Variants in PGAM5 observed in about 807,000 individuals in gnomAD.
PGAM5 encodes the protein PGAM family member 5, mitochondrial serine/threonine protein phosphatase, also known as serine/threonine-protein phosphatase PGAM5, mitochondrial.
Under a neutral mutation model 30.6 loss-of-function variants are expected in PGAM5, and 25 were observed. The observed-to-expected ratio is 0.82, with a 90% CI of 0.60 to 1.14. The LOEUF (loss-of-function observed/expected upper bound fraction) is 1.14. PGAM5 is among the 50% of genes most tolerant of loss of function. The pLI, the probability that PGAM5 is intolerant of heterozygous loss-of-function variation, is 0.00. For missense variants in PGAM5, 384 were observed against 408.5 expected (o/e 0.94, Z 0.52); for synonymous variants, 201 against 179.1 (o/e 1.12, Z -0.98).
chr12:132,715,023 T>C lies in PGAM5; in HGVS notation c.357T>C (p.Thr119=), dbSNP rs1208559773. Residue 119 remains threonine, a synonymous_variant, in exon 2 of 6, where the codon ACT becomes ACC. Coordinates refer to ENST00000498926, the MANE Select transcript of PGAM5 (RefSeq NM_001170543.2). ...ATGGCTCCCTGGAGAAGGACCGCAC[T>C]CTGACCCCGCTGGGTATGTGGTGGG... ...HVDGSLEKDR[T]LTPLGREQAE... is the part of the protein sequence containing the mutation. 3.1e-6 allele frequency: 5 copies of C among 1,611,584 alleles called. No homozygotes were observed. Among genetic ancestry groups the C allele is most frequent in the Admixed American group, 3.3e-5 (2 of 59,780 alleles).
intron 5 of PGAM5, 100 bp downstream of exon 5, chr12:132,718,220 A>T (rs886235536): frequency 1.3e-5 from 20 of 1,489,620 alleles, no homozygotes; most frequent in Middle Eastern, 1.9e-4. Flanking sequence ...TGCCGATGCC[A>T]CCCTAGTCAG....
intron 1 of PGAM5, among the ~76,000 whole-genome samples, chr12:132,712,932 C>T (rs1006460334): frequency 2.0e-5 from 3 of 151,874 alleles, no homozygotes; most frequent in Admixed American, 6.6e-5. Context: ...CTGAGGTGGG[C>T]GGATCACTTG....
At chr12:132,717,965 C>T (rs775815657) in intron 4 of PGAM5, 22 bp from the exon 5 acceptor site, 7 of 1,612,170 alleles carry the variant, frequency 4.3e-6, no homozygotes, top group African/African-American at 2.7e-5. Flanking sequence ...TCCGCACTGA[C>T]GGCTCCTCAC....
intron 5 of PGAM5, among the ~76,000 whole-genome samples, chr12:132,719,910 T>C (rs917308265): frequency 5.3e-5 from 8 of 152,176 alleles, no homozygotes; most frequent in Admixed American, 4.6e-4. Context: ...CCCATCTCCG[T>C]TCTTTGCTTT....
rs146058796 is a variant in PGAM5 at position 132,715,137 on chromosome 12, C to G, written c.370+101C>G. ...ATGTGACTGGGTGCAGGTCCTCCGC[C>G]GACCCCCTTGGTCAGCTTTCTTGAA... On this transcript the variant is annotated intron_variant, in intron 2 of 5. Transcript: ENST00000498926. 9.2e-3 allele frequency: 11,619 copies of G among 1,264,464 alleles called. 69 individuals are homozygous for G. The highest frequency in any genetic ancestry group is 9.9e-3 in the South Asian group (648 of 65,314). 78.3% of individuals were successfully genotyped at this position (1,264,464 alleles called of 1,614,324 possible).
At chr12:132,718,455 CCTGGGTGGGGTGCGTG>C (rs1279766122) in intron 5 of PGAM5, among the ~76,000 whole-genome samples, 7 of 6,198 alleles carry the variant, frequency 1.1e-3, no homozygotes, top group East Asian at 0.024. Context: ...GGTGGGGGGT[CCTGGGTGGGGTGCGTG>C]CTGGGTGGGG....
rs759904043 is a variant in PGAM5, at chr12:132,717,561, C to T, written c.493C>T (p.Pro165Ser). 6.2e-6 allele frequency: 10 copies of T among 1,610,616 alleles called. No homozygotes were observed. The highest frequency in any genetic ancestry group is 3.3e-5 in the Admixed American group (2 of 60,002). Residue 165 changes from proline (P) to serine (S), a missense_variant, in exon 3 of 6, where the codon CCA becomes TCA. Coordinates refer to ENST00000498926, the MANE Select transcript of PGAM5 (RefSeq NM_001170543.2). ...CACCGATATCATCAGCCGGCACCTG[C>T]CAGGTGAGTGCTGCGCGCGGGGCCT... is the stretch of plus-strand genomic sequence containing the variant. The part of the protein sequence containing the change: ...ETTDIISRHL[P>S]GVCKVSTDLL...
chr12:132,718,406 G>GT (rs2043606277), intron 5 of PGAM5, among the ~76,000 whole-genome samples: 1 of 62,586 alleles, frequency 1.6e-5, no homozygotes, highest in African/African-American at 8.2e-5. Flanking sequence ...TGAGTGGGGT[G>GT]CGTGCTGGGT....
At chr12:132,717,881 T>G (rs2043598514) in intron 4 of PGAM5, 83 bp downstream of exon 4, 2 of 1,594,600 alleles carry the variant, frequency 1.3e-6, no homozygotes, top group Admixed American at 1.7e-5. Context: ...ATCCACCACG[T>G]GCCCGGCCGT....
At chr12:132,711,276 C>A in intron 1 of PGAM5, 1 of 322,920 alleles carries the variant, frequency 3.1e-6, no homozygotes, top group African/African-American at 2.2e-5. Context: ...GCTTCTGTGG[C>A]CGAGCTCCGT....
At chr12:132,712,703 A>G (rs1593116178) in intron 1 of PGAM5, among the ~76,000 whole-genome samples, 1 of 151,392 alleles carries the variant, frequency 6.6e-6, no homozygotes, top group African/African-American at 2.4e-5. Context: ...TGATCCTCCC[A>G]CCTCGGCCTC....
Position 132,714,930 on chromosome 12 carries a change from G to C in PGAM5, c.264G>C (p.Lys88Asn), listed in dbSNP as rs2043558307. Residue 88 changes from lysine to asparagine, a missense_variant, in exon 2 of 6, where the codon AAG (lysine) becomes AAC (asparagine). Coordinates refer to ENST00000498926, the MANE Select transcript of PGAM5 (RefSeq NM_001170543.2). Reference sequence around the variant, plus strand: ...CTGGGGAAGAAGAGCTGGCGTCCAAGCTGGACCACTACAAAGCCAAGGCCA... The same window carrying C: ...CTGGGGAAGAAGAGCTGGCGTCCAACCTGGACCACTACAAAGCCAAGGCCA... ...VESGEEELAS[K>N]LDHYKAKATR... 6.2e-7 allele frequency: 1 copy of C among 1,613,596 alleles called. No homozygotes were observed. The highest frequency in any genetic ancestry group is 1.1e-5 in the South Asian group (1 of 91,092).
chr12:132,718,190 C>G lies in PGAM5; in HGVS notation c.719+70C>G, dbSNP rs1357262664. On this transcript the variant is annotated intron_variant, in intron 5 of 5. Transcript: ENST00000498926. ...TTAGAGAAAAGCATGAGGAAGAAGC[C>G]GAGCGAGACCCTCCTCCACTGCCGA... The G allele has an allele frequency of 5.1e-6, 8 of 1,581,154 alleles. No individual in the cohort carries two copies. In the South Asian group the frequency reaches 9.2e-5, roughly 18 times the overall value.
intron 2 of PGAM5, 83 bp from the exon 3 acceptor site, chr12:132,717,356 G>A (rs1251300999): frequency 2.1e-6 from 3 of 1,423,150 alleles, no homozygotes; most frequent in Non-Finnish European, 2.8e-6. Context: ...GTGGAGGAGG[G>A]CGTGTTTGCG....
intron 5 of PGAM5, chr12:132,719,104 G>C: frequency 7.2e-7 from 1 of 1,381,220 alleles, no homozygotes; most frequent in Non-Finnish European, 9.4e-7. Context: ...CCAGCTCTAC[G>C]GTTACATGCC....
chr12:132,720,794 G>T lies in PGAM5; in HGVS notation c.836G>T (p.Gly279Val). The T allele has an allele frequency of 6.5e-7, 1 of 1,536,454 alleles. No homozygotes were observed. The highest frequency in any genetic ancestry group is 8.7e-7 in the Non-Finnish European group (1 of 1,146,858). ...RVALRTLGDT[G>V]FMPPDKITRS The stretch of plus-strand genomic sequence containing the variant: ...GCGCTCAGGACCCTCGGGGACACGG[G>T]GTTCATGCCTCCCGACAAGATCACT... Residue 279 changes from glycine (G) to valine (V), a missense_variant, in exon 6 of 6, where the codon GGG becomes GTG. Coordinates refer to ENST00000498926, the MANE Select transcript of PGAM5 (RefSeq NM_001170543.2).
intron 5 of PGAM5, chr12:132,718,929 C>T (rs1432661226): frequency 1.8e-5 from 28 of 1,556,234 alleles, no homozygotes; most frequent in Non-Finnish European, 2.4e-5. Context: ...CGGGCTGCTC[C>T]CTCGGGGGGC....
At position 132,717,771 on chromosome 12, in the gene PGAM5, C is replaced by T. The variant is rs371236067; in HGVS notation, c.558C>T (p.Pro186=). The T allele has an allele frequency of 3.2e-4, 510 of 1,588,072 alleles. 2 individuals are homozygous for T. Among genetic ancestry groups the T allele is most frequent in the African/African-American group, 1.2e-4 (9 of 74,400 alleles). The change falls in exon 4 of 6, where the codon CCC becomes CCT. Residue 186 remains proline (P), a synonymous_variant. Transcript: ENST00000498926. The part of the protein sequence containing the change: ...REGAPIEPDP[P]VSHWKPEAVQ... ...GCGCCCCCATCGAGCCAGACCCGCCCGTGTCTCATTGGAAGCCGGAAGCTG... is the reference window on the plus strand; with the variant it reads ...GCGCCCCCATCGAGCCAGACCCGCCTGTGTCTCATTGGAAGCCGGAAGCTG...
In PGAM5 at chr12:132,715,053, G is replaced by A. The variant is rs1331582687; in HGVS notation, c.370+17G>A. 6.3e-7 allele frequency: 1 copy of A among 1,593,158 alleles called. No individual in the cohort carries two copies. Reference sequence around the variant, plus strand: ...CCCCGCTGGGTATGTGGTGGGTTCAGATCCTCTGTGGACCCTCGTGGTTAT... The same window carrying A: ...CCCCGCTGGGTATGTGGTGGGTTCAAATCCTCTGTGGACCCTCGTGGTTAT... On this transcript the variant is annotated intron_variant, in intron 2 of 5. Coordinates refer to ENST00000498926, the MANE Select transcript of PGAM5 (RefSeq NM_001170543.2).
Sources: allele counts gnomAD v4.1 joint callset (sites outside exome capture counted in the v4.1 genomes callset), GRCh38; gene constraint gnomAD v4.1.1; transcripts MANE v1.5; gene names NCBI Gene and HGNC (gene_info 2026-07-23, HGNC 2026-07-21).